Variants in ELMO1 observed in about 807,000 individuals in gnomAD.
The protein encoded by ELMO1 is engulfment and cell motility 1.
A neutral mutation model predicts 98.9 loss-of-function variants in ELMO1; 26 were observed. That is an observed-to-expected ratio of 0.26 (90% confidence interval 0.19 to 0.36). The LOEUF (loss-of-function observed/expected upper bound fraction) is 0.36, where lower values mean the gene tolerates loss of function less well. ELMO1 is among the 10% of genes least tolerant of loss of function. ELMO1 has a pLI of 1.00. For synonymous variants in ELMO1, 346 were observed against 346.0 expected (o/e 1.00, Z 0.00); for missense variants, 627 against 935.2 (o/e 0.67, Z 4.30).
chr7:37,197,501 G>T (rs1212308600), intron 13 of ELMO1, among the ~76,000 whole-genome samples: 2 of 152,216 alleles, frequency 1.3e-5, no homozygotes, highest in African/African-American at 4.8e-5. Context: ...TCAGAGGTAG[G>T]AAGGGCACTG....
At chr7:37,251,313 T>G (rs1414132358) in intron 6 of ELMO1, among the ~76,000 whole-genome samples, 1 of 152,192 alleles carries the variant, frequency 6.6e-6, no homozygotes, top group Non-Finnish European at 1.5e-5. Context: ...TGTATTTGCT[T>G]TCACTCCTAT....
At chr7:37,308,533 C>T (rs1195789348) in intron 4 of ELMO1, among the ~76,000 whole-genome samples, 1 of 152,102 alleles carries the variant, frequency 6.6e-6, no homozygotes, top group Non-Finnish European at 1.5e-5. Context: ...TTAATTAGGC[C>T]CAGACACTCA....
intron 13 of ELMO1, among the ~76,000 whole-genome samples, chr7:37,187,852 A>C (rs1193326867): frequency 6.6e-6 from 1 of 152,180 alleles, no homozygotes; most frequent in Admixed American, 6.5e-5. Flanking sequence ...TTTTTAAAAA[A>C]ATAACGACAC....
intron 14 of ELMO1, among the ~76,000 whole-genome samples, chr7:37,131,110 C>T (rs1786891178): frequency 6.6e-6 from 1 of 151,988 alleles, no homozygotes; most frequent in African/African-American, 2.4e-5. Context: ...AATTTCCTTG[C>T]AGAGATCTTC....
intron 6 of ELMO1, among the ~76,000 whole-genome samples, chr7:37,253,494 G>A (rs1303521714): frequency 1.3e-5 from 2 of 152,026 alleles, no homozygotes; most frequent in South Asian, 2.1e-4. Flanking sequence ...ACCAAACACC[G>A]CATGTTCTCA....
intron 5 of ELMO1, among the ~76,000 whole-genome samples, chr7:37,268,364 T>C (rs960899482): frequency 6.6e-6 from 1 of 152,196 alleles, no homozygotes; most frequent in Non-Finnish European, 1.5e-5. Flanking sequence ...TGCAGTGGCA[T>C]GATCTCAGCT....
chr7:37,359,922 T>C (rs1436044842), intron 1 of ELMO1, among the ~76,000 whole-genome samples: 2 of 152,186 alleles, frequency 1.3e-5, no homozygotes, highest in African/African-American at 4.8e-5. Context: ...AGGAATCAGT[T>C]ATGGCCTGAG....
At chr7:37,298,553 G>C (rs913190957) in intron 4 of ELMO1, among the ~76,000 whole-genome samples, 1 of 147,766 alleles carries the variant, frequency 6.8e-6, no homozygotes, top group Non-Finnish European at 1.5e-5. Flanking sequence ...AATATGCGGT[G>C]TTTGGTTTTT....
chr7:37,445,015 T>C (rs1397931799), intron 1 of ELMO1, among the ~76,000 whole-genome samples: 7 of 152,240 alleles, frequency 4.6e-5, no homozygotes, highest in Admixed American at 6.5e-5. Flanking sequence ...CCCAGAATTA[T>C]TGAAACAGGC....
intron 4 of ELMO1, among the ~76,000 whole-genome samples, chr7:37,276,122 A>C (rs1237595233): frequency 6.6e-6 from 1 of 152,168 alleles, no homozygotes; most frequent in East Asian, 1.9e-4. Context: ...TCATGTTCCC[A>C]GCTTTCTCAT....
chr7:37,314,766 T>G, intron 4 of ELMO1, 84 bp downstream of exon 4: 2 of 1,314,708 alleles, frequency 1.5e-6, no homozygotes, highest in Middle Eastern at 2.5e-4. Context: ...TAGACCTGCA[T>G]GTCTAGGCCC....
chr7:37,197,619 G>A (rs1792047602), intron 13 of ELMO1, among the ~76,000 whole-genome samples: 1 of 152,344 alleles, frequency 6.6e-6, no homozygotes, highest in South Asian at 2.1e-4. Context: ...AGCTTTGCGT[G>A]GAGCTGATTG....
At chr7:37,030,295 T>G (rs1239490478) in intron 15 of ELMO1, among the ~76,000 whole-genome samples, 1 of 152,224 alleles carries the variant, frequency 6.6e-6, no homozygotes, top group Non-Finnish European at 1.5e-5. Context: ...TTCCTATTCC[T>G]CACAGATATT....
chr7:36,897,297 A>G (rs1233234105), intron 16 of ELMO1, among the ~76,000 whole-genome samples: 1 of 118,728 alleles, frequency 8.4e-6, no homozygotes, highest in African/African-American at 3.2e-5. Context: ...AATGAGACCA[A>G]TGTCAGTAGT....
chr7:37,377,499 C>G (rs1425460127), intron 1 of ELMO1, among the ~76,000 whole-genome samples: 1 of 152,164 alleles, frequency 6.6e-6, no homozygotes, highest in African/African-American at 2.4e-5. Context: ...TTTCTGTGAA[C>G]AGAGGACGGT....
intron 16 of ELMO1, among the ~76,000 whole-genome samples, chr7:36,974,123 G>A (rs1467823802): frequency 1.3e-5 from 2 of 152,230 alleles, no homozygotes; most frequent in African/African-American, 4.8e-5. Flanking sequence ...TGAGGAGTGT[G>A]GGCGCACAGC....
chr7:37,220,754 T>C (rs142361562), intron 10 of ELMO1, among the ~76,000 whole-genome samples: 1 of 152,298 alleles, frequency 6.6e-6, no homozygotes, highest in Middle Eastern at 3.4e-3. Context: ...GAGATCCAAG[T>C]GAAATGGCCT....
At chr7:36,985,902 G>A (rs1358139621) in intron 16 of ELMO1, 2 of 1,001,538 alleles carry the variant, frequency 2.0e-6, no homozygotes, top group African/African-American at 3.5e-5. Context: ...GGACACATGT[G>A]TGAGACGGAG....
At chr7:37,389,038 G>A (rs565560620) in intron 1 of ELMO1, among the ~76,000 whole-genome samples, 3 of 152,314 alleles carry the variant, frequency 2.0e-5, no homozygotes, top group East Asian at 3.9e-4. Context: ...ATACTGAAGT[G>A]CTTACATTTT....
Sources: allele counts gnomAD v4.1 joint callset (sites outside exome capture counted in the v4.1 genomes callset), GRCh38; gene constraint gnomAD v4.1.1; transcripts MANE v1.5; gene names NCBI Gene and HGNC (gene_info 2026-07-23, HGNC 2026-07-21).